ARVCF: variants seen among roughly 807,000 people sequenced by gnomAD.
ARVCF encodes the protein splicing regulator ARVCF.
Under a neutral mutation model 90.9 loss-of-function variants are expected in ARVCF, and 66 were observed. That is an observed-to-expected ratio of 0.73 (90% CI 0.60 to 0.89). ARVCF has a LOEUF of 0.89. Ranked by LOEUF, ARVCF falls within the 40% of genes least tolerant of loss-of-function variation. The pLI is 0.00. For missense variants in ARVCF, 1,469 were observed against 1,382.3 expected, an observed-to-expected ratio of 1.06 and a Z score of -1.00; for synonymous variants, 653 against 603.4, an observed-to-expected ratio of 1.08 and a Z score of -1.21.
intron 17 of ARVCF, 115 bp downstream of exon 17, chr22:19,972,243 A>G (rs2146229352): frequency 6.9e-7 from 1 of 1,445,460 alleles, no homozygotes; most frequent in Non-Finnish European, 9.6e-7. Flanking sequence ...GCACCCCTAA[A>G]CCAAATATCT....
At position 19,978,072 on chromosome 22, in the gene ARVCF, A is replaced by G. The variant is rs146560850; in HGVS notation, c.1584T>C (p.Asn528=). 2.0e-4 allele frequency: 328 copies of G among 1,604,698 alleles called. No individual in the cohort carries two copies. Among genetic ancestry groups the G allele is most frequent in the Non-Finnish European group, 2.6e-4 (305 of 1,175,880 alleles). ...GGGCCTCAGCACCATCGGAGCTCAC[A>G]TTCCTGTGTGGCCAAGAGCAGGCCA... is the stretch of plus-strand genomic sequence containing the variant. The part of the protein sequence containing the change: ...VFKNTSGCLR[N]VSSDGAEARR... Residue 528 remains asparagine (N), a synonymous_variant, in exon 8 of 20, where the codon AAT becomes AAC. Transcript: ENST00000263207.
intron 3 of ARVCF, chr22:19,983,830 G>A (rs1395500563): frequency 1.3e-5 from 2 of 152,282 alleles, no homozygotes; most frequent in African/African-American, 2.4e-5. Flanking sequence ...CTGGGAAAAA[G>A]AAATAGACTG....
At position 19,971,286 on chromosome 22, in the gene ARVCF, AC is replaced by A; in HGVS notation, c.2830del (p.Val944SerfsTer7). 6.4e-7 allele frequency: 1 copy of A among 1,557,122 alleles called. No individual in the cohort carries two copies. The highest frequency in any genetic ancestry group is 8.7e-7 in the Non-Finnish European group (1 of 1,149,794). ...APPPGPSRPA[V>X]RLVDAVGDAK... is the part of the protein sequence containing the mutation. ...GTCCCCTACGGCGTCCACCAGCCTG[AC>A]CGCGGGCCTGCTGGGCCCGGGGGGA... On this transcript the variant is annotated frameshift_variant, in exon 19 of 20. Transcript: ENST00000263207. LOFTEE classifies it high-confidence loss of function.
intron 18 of ARVCF, 63 bp from the exon 19 acceptor site, chr22:19,971,398 A>ACAGGGCAGGGG: frequency 1.3e-6 from 2 of 1,510,560 alleles, no homozygotes; most frequent in Non-Finnish European, 1.8e-6. Context: ...TCCTGGGGGG[A>ACAGGGCAGGGG]CAGGGCAGGG....
intron 2 of ARVCF, among the ~76,000 whole-genome samples, chr22:19,992,765 G>A (rs1269156757): frequency 1.4e-5 from 2 of 144,244 alleles, no homozygotes; most frequent in African/African-American, 5.2e-5. Flanking sequence ...ATGGACCCTC[G>A]TCTACACCAC....
At chr22:19,987,281 C>G (rs1368421397) in intron 3 of ARVCF, 1 of 29,100 alleles carries the variant, frequency 3.4e-5, no homozygotes, top group Non-Finnish European at 7.5e-5. Context: ...TGGCGGGGGC[C>G]GGGGTGGGCG....
chr22:20,008,416 C>T (rs1039880006), intron 2 of ARVCF, among the ~76,000 whole-genome samples: 6 of 152,220 alleles, frequency 3.9e-5, no homozygotes, highest in African/African-American at 1.4e-4. Flanking sequence ...AGCTCCCCCT[C>T]CTAAGGGAGC....
At chr22:19,980,397 G>GA in intron 5 of ARVCF, 155 bp from the exon 6 acceptor site, 1 of 1,180,796 alleles carries the variant, frequency 8.5e-7, no homozygotes, top group Non-Finnish European at 1.1e-6. Context: ...TGGGGACACA[G>GA]AGAGTCATGC....
At chr22:20,011,586 G>T (rs1435486218) in intron 1 of ARVCF, among the ~76,000 whole-genome samples, 3 of 152,186 alleles carry the variant, frequency 2.0e-5, no homozygotes, top group Non-Finnish European at 4.4e-5. Flanking sequence ...GGGATGCAGG[G>T]CCTGAGGCAG....
chr22:20,015,285 G>A (rs1206878373), intron 1 of ARVCF, among the ~76,000 whole-genome samples: 4 of 152,182 alleles, frequency 2.6e-5, no homozygotes, highest in Non-Finnish European at 4.4e-5. Flanking sequence ...GGTAGGGTGG[G>A]GACAGGGGAC....
chr22:19,997,471 T>C (rs1443250932), intron 2 of ARVCF, among the ~76,000 whole-genome samples: 3 of 152,168 alleles, frequency 2.0e-5, no homozygotes, highest in Admixed American at 6.5e-5. Context: ...TGCCTCTCCA[T>C]GAGGAGACAT....
At chr22:20,015,335 G>A (rs1472340858) in intron 1 of ARVCF, among the ~76,000 whole-genome samples, 2 of 152,162 alleles carry the variant, frequency 1.3e-5, no homozygotes, top group African/African-American at 4.8e-5. Context: ...GGGCAAGACT[G>A]GGGGAAATGC....
intron 7 of ARVCF, 29 bp from the exon 8 acceptor site, chr22:19,978,104 C>A: frequency 6.4e-7 from 1 of 1,563,940 alleles, no homozygotes; most frequent in Non-Finnish European, 8.7e-7. Flanking sequence ...GCCAGGTGAC[C>A]CCTGGCTACC....
intron 11 of ARVCF, among the ~76,000 whole-genome samples, 160 bp downstream of exon 11, chr22:19,975,526 T>TGCTG (rs1432910111): frequency 5.3e-5 from 8 of 152,194 alleles, no homozygotes; most frequent in Admixed American, 3.3e-4. Flanking sequence ...GGTGTCCTGG[T>TGCTG]GCTGAATCAC....
chr22:20,013,659 G>T (rs1944918791), intron 1 of ARVCF, among the ~76,000 whole-genome samples: 1 of 152,184 alleles, frequency 6.6e-6, no homozygotes, highest in Admixed American at 6.5e-5. Flanking sequence ...ATCAGCAGGG[G>T]CAGTGGGAAG....
chr22:19,976,791 A>AGGTTCCCAC, intron 9 of ARVCF, 68 bp from the exon 10 acceptor site: 1 of 1,530,346 alleles, frequency 6.5e-7, no homozygotes, highest in South Asian at 1.2e-5. Flanking sequence ...TCACCCCCCC[A>AGGTTCCCAC]TGCCCTCCCG....
intron 18 of ARVCF, 39 bp from the exon 19 acceptor site, chr22:19,971,374 A>G: frequency 2.0e-6 from 3 of 1,533,378 alleles, no homozygotes; most frequent in Non-Finnish European, 2.6e-6. Flanking sequence ...ACAATAGAGC[A>G]GGTTAGTTAG....
At chr22:19,989,131 C>A (rs543745225) in intron 3 of ARVCF, among the ~76,000 whole-genome samples, 1 of 152,052 alleles carries the variant, frequency 6.6e-6, no homozygotes, top group African/African-American at 2.4e-5. Flanking sequence ...CTGGGCCCAG[C>A]GTTCTGCTTC....
At chr22:20,016,469 G>C (rs1945174405) in intron 1 of ARVCF, 120 bp downstream of exon 1, 1 of 152,166 alleles carries the variant, frequency 6.6e-6, no homozygotes, top group South Asian at 2.1e-4. Context: ...TCCAGGGATA[G>C]GACCCTGTCC....
Sources: allele counts gnomAD v4.1 joint callset (sites outside exome capture counted in the v4.1 genomes callset), GRCh38; gene constraint gnomAD v4.1.1; transcripts MANE v1.5; gene names NCBI Gene and HGNC (gene_info 2026-07-23, HGNC 2026-07-21).